AGBL4: variants seen among roughly 807,000 people sequenced by gnomAD.
The protein encoded by AGBL4 is AGBL carboxypeptidase 4.
In AGBL4, 58 loss-of-function variants were observed where a neutral mutation model predicts 66.4. The observed-to-expected ratio is 0.87, with a 90% CI of 0.71 to 1.09. The LOEUF is 1.09. AGBL4 is among the 50% of genes least tolerant of loss of function. AGBL4 has a pLI of 0.00. For synonymous variants in AGBL4, 234 were observed against 222.9 expected (o/e 1.05, Z -0.44); for missense variants, 579 against 631.0 (o/e 0.92, Z 0.88).
chr1:48,700,829 G>A (rs1646789771), intron 6 of AGBL4, among the ~76,000 whole-genome samples: 1 of 152,202 alleles, frequency 6.6e-6, no homozygotes, highest in Admixed American at 6.5e-5. Context: ...GAGTCTCAGG[G>A]AGGTGATGAA....
intron 3 of AGBL4, chr1:49,257,626 G>A (rs1189115873): frequency 6.5e-6 from 1 of 153,090 alleles, no homozygotes; most frequent in African/African-American, 2.4e-5. Flanking sequence ...CGTCCCGAGT[G>A]AGGCAATGCC....
intron 6 of AGBL4, among the ~76,000 whole-genome samples, chr1:48,793,904 TG>T (rs1645609979): frequency 6.6e-6 from 1 of 152,140 alleles, no homozygotes; most frequent in Non-Finnish European, 1.5e-5. Flanking sequence ...TCGACCCTGG[TG>T]GTCAAGAAGC....
At chr1:49,691,679 T>C (rs889796587) in intron 3 of AGBL4, among the ~76,000 whole-genome samples, 20 of 152,106 alleles carry the variant, frequency 1.3e-4, no homozygotes, top group Non-Finnish European at 2.6e-4. Context: ...TGTGAGGATG[T>C]TGTCAAAGGA....
chr1:50,005,292 G>C (rs897805695), intron 1 of AGBL4, among the ~76,000 whole-genome samples: 1 of 152,140 alleles, frequency 6.6e-6, no homozygotes, highest in Admixed American at 6.5e-5. Flanking sequence ...TCCCAATACA[G>C]AGAGAGAAAC....
chr1:49,525,663 C>T (rs1010976523), intron 3 of AGBL4, among the ~76,000 whole-genome samples: 2 of 152,050 alleles, frequency 1.3e-5, no homozygotes, highest in East Asian at 3.9e-4. Flanking sequence ...AAAGAAGCAC[C>T]CTGCTCACCA....
intron 3 of AGBL4, among the ~76,000 whole-genome samples, chr1:49,479,743 C>T (rs1230844390): frequency 2.0e-5 from 3 of 150,154 alleles, no homozygotes; most frequent in Non-Finnish European, 4.4e-5. Flanking sequence ...GCTCTGTCGC[C>T]CAGGCTGGAG....
At chr1:49,783,961 T>G (rs1011965111) in intron 2 of AGBL4, among the ~76,000 whole-genome samples, 1 of 152,066 alleles carries the variant, frequency 6.6e-6, no homozygotes, top group Non-Finnish European at 1.5e-5. Context: ...GTTTGTACAC[T>G]GAAAACTACA....
chr1:49,719,322 A>G (rs1397283645), intron 2 of AGBL4, among the ~76,000 whole-genome samples: 1 of 152,170 alleles, frequency 6.6e-6, no homozygotes, highest in African/African-American at 2.4e-5. Flanking sequence ...GGTAGAGAAG[A>G]TCCTCTTAGA....
intron 3 of AGBL4, among the ~76,000 whole-genome samples, chr1:49,248,816 C>T (rs1364643586): frequency 6.6e-6 from 1 of 152,126 alleles, no homozygotes; most frequent in Non-Finnish European, 1.5e-5. Flanking sequence ...TCTTTTGGTA[C>T]ATTACAATGT....
chr1:49,038,276 G>A (rs1049104926), intron 5 of AGBL4, among the ~76,000 whole-genome samples: 1 of 152,026 alleles, frequency 6.6e-6, no homozygotes, highest in Non-Finnish European at 1.5e-5. Context: ...AACACAATAT[G>A]AAAGGGAAAG....
At position 48,745,741 on chromosome 1, in the gene AGBL4, C is replaced by A. The variant is rs11799750; in HGVS notation, c.635-82500G>T. Among the ~76,000 whole-genome samples the A allele has an allele frequency of 2.2e-3, 342 of 152,258 alleles. 2 individuals carry two copies. Among genetic ancestry groups the A allele is most frequent in the African/African-American group, 7.3e-3 (304 of 41,548 alleles). On this transcript the variant is annotated intron_variant, in intron 6 of 13. Coordinates refer to ENST00000371839, the MANE Select transcript of AGBL4 (RefSeq NM_032785.4). Reference sequence around the variant, plus strand: ...GTAAATAATTATCTCTAGCCCTTGGCTTGGGATTTGGAGACAGAGCTCCAA... The same window carrying A: ...GTAAATAATTATCTCTAGCCCTTGGATTGGGATTTGGAGACAGAGCTCCAA...
Position 49,097,496 on chromosome 1 carries a change from T to C in AGBL4, c.378-51696A>G, listed in dbSNP as rs543140090. On this transcript the variant is annotated intron_variant, in intron 4 of 13. Transcript: ENST00000371839. ...AATTTAAAAAAACCAGTGTTCTGATTCACTGATGCACCTGGACTCTCTGGA... is the reference window on the plus strand; with the variant it reads ...AATTTAAAAAAACCAGTGTTCTGATCCACTGATGCACCTGGACTCTCTGGA... Among the ~76,000 whole-genome samples, 6 of 152,340 alleles carry C rather than the reference T, an allele frequency of 3.9e-5. No homozygotes were observed. The East Asian group carries it at 1.2e-3, about 29-fold the overall frequency.
chr1:49,542,220 G>A (rs973199935), intron 3 of AGBL4, among the ~76,000 whole-genome samples: 7 of 152,174 alleles, frequency 4.6e-5, no homozygotes, highest in African/African-American at 1.7e-4. Context: ...ATAAAAGCAG[G>A]CTGCCCCAGC....
intron 9 of AGBL4, among the ~76,000 whole-genome samples, chr1:48,602,069 C>G (rs1338063958): frequency 6.6e-6 from 1 of 152,142 alleles, no homozygotes; most frequent in African/African-American, 2.4e-5. Flanking sequence ...AGGGCACCCT[C>G]AGGCACATAT....
At chr1:49,692,600 C>G (rs554312325) in intron 3 of AGBL4, among the ~76,000 whole-genome samples, 1 of 151,938 alleles carries the variant, frequency 6.6e-6, no homozygotes, top group South Asian at 2.1e-4. Flanking sequence ...TGCCTGTGGT[C>G]AGAGCTGCTC....
chr1:49,212,411 A>G (rs1311031580), intron 4 of AGBL4, among the ~76,000 whole-genome samples: 4 of 152,150 alleles, frequency 2.6e-5, no homozygotes, highest in African/African-American at 9.7e-5. Flanking sequence ...CACCAGCTCA[A>G]ATAGTCTATG....
At chr1:48,741,368 A>G (rs1649883312) in intron 6 of AGBL4, among the ~76,000 whole-genome samples, 1 of 152,216 alleles carries the variant, frequency 6.6e-6, no homozygotes, top group Admixed American at 6.5e-5. Context: ...TCACACAGGT[A>G]GGACAGATGT....
At chr1:48,726,142 T>A (rs529693908) in intron 6 of AGBL4, among the ~76,000 whole-genome samples, 15 of 152,344 alleles carry the variant, frequency 9.8e-5, no homozygotes, top group African/African-American at 3.6e-4. Context: ...CTTGAATATA[T>A]GCATCAAACA....
At chr1:49,040,327 C>T (rs1643905692) in intron 5 of AGBL4, among the ~76,000 whole-genome samples, 1 of 152,014 alleles carries the variant, frequency 6.6e-6, no homozygotes, top group South Asian at 2.1e-4. Context: ...TAAGTGTTGG[C>T]TAGCATCTGG....
Sources: allele counts gnomAD v4.1 joint callset (sites outside exome capture counted in the v4.1 genomes callset), GRCh38; gene constraint gnomAD v4.1.1; transcripts MANE v1.5; gene names NCBI Gene and HGNC (gene_info 2026-07-23, HGNC 2026-07-21).